NDST4: variants seen among roughly 807,000 people sequenced by gnomAD.
The protein encoded by NDST4 is N-heparan sulfate sulfotransferase 4.
In NDST4, 63 loss-of-function variants were observed where a neutral mutation model predicts 100.8. The observed-to-expected ratio is 0.62, with a 90% CI of 0.51 to 0.77. NDST4 has a LOEUF of 0.77. Ranked by LOEUF, NDST4 falls within the 30% of genes least tolerant of loss-of-function variation. The pLI, the probability that NDST4 is intolerant of heterozygous loss-of-function variation, is 0.00. For missense variants in NDST4, 943 were observed against 1,018.4 expected (o/e 0.93, Z 1.01); for synonymous variants, 377 against 361.8 (o/e 1.04, Z -0.48).
chr4:114,858,823 A>T (rs1170998963), intron 7 of NDST4, among the ~76,000 whole-genome samples: 1 of 152,148 alleles, frequency 6.6e-6, no homozygotes, highest in African/African-American at 2.4e-5. Context: ...TTCCACCAGG[A>T]GACATGGGAA....
chr4:115,106,961 C>T (rs541793904), intron 1 of NDST4, among the ~76,000 whole-genome samples: 8 of 152,008 alleles, frequency 5.3e-5, no homozygotes, highest in South Asian at 4.2e-4. Context: ...TCGAGGCCAG[C>T]GTGGGCAACA....
intron 13 of NDST4, among the ~76,000 whole-genome samples, chr4:114,829,116 T>A (rs1354561338): frequency 1.3e-5 from 2 of 152,138 alleles, no homozygotes; most frequent in Non-Finnish European, 2.9e-5. Context: ...TAGTAACCCA[T>A]GAATCACCTG....
In NDST4 at chr4:115,076,061, T is replaced by C; in HGVS notation, c.976A>G (p.Lys326Glu). Residue 326 changes from lysine (K) to glutamate (E), a missense_variant and splice_region_variant, in exon 2 of 14, where the codon AAG becomes GAG. Transcript: ENST00000264363. ...ATGTTGTCTATAAATAAGCTTACCTTCACATCTTTGACATTCATCCTTGTT... is the reference window on the plus strand; with the variant it reads ...ATGTTGTCTATAAATAAGCTTACCTCCACATCTTTGACATTCATCCTTGTT... ...EGTRMNVKDVKALLETQNLLR... is the reference protein window; with the variant it reads ...EGTRMNVKDVEALLETQNLLR... The C allele has an allele frequency of 6.2e-7, 1 of 1,602,776 alleles. No homozygotes were observed. Among genetic ancestry groups the C allele is most frequent in the East Asian group, 2.2e-5 (1 of 44,616 alleles).
intron 1 of NDST4, among the ~76,000 whole-genome samples, chr4:115,107,186 A>G (rs1265550854): frequency 6.6e-6 from 1 of 152,082 alleles, no homozygotes; most frequent in Non-Finnish European, 1.5e-5. Flanking sequence ...AAGGAAATAA[A>G]TAGCATTGAA....
chr4:115,035,327 T>C (rs1313512441), intron 2 of NDST4, among the ~76,000 whole-genome samples: 1 of 152,058 alleles, frequency 6.6e-6, no homozygotes, highest in Non-Finnish European at 1.5e-5. Context: ...TAGAATTTCA[T>C]TATGTGACTG....
intron 1 of NDST4, among the ~76,000 whole-genome samples, chr4:115,089,259 C>T (rs1729467124): frequency 6.6e-6 from 1 of 151,854 alleles, no homozygotes; most frequent in Non-Finnish European, 1.5e-5. Flanking sequence ...TCCATGTATA[C>T]ACTCATCAGG....
chr4:115,072,974 T>C (rs1729107388), intron 2 of NDST4, among the ~76,000 whole-genome samples: 2 of 151,938 alleles, frequency 1.3e-5, no homozygotes, highest in Admixed American at 6.6e-5. Context: ...AAGTATCTCA[T>C]AGTAAGAAAA....
intron 2 of NDST4, among the ~76,000 whole-genome samples, chr4:114,995,344 C>T (rs1222743859): frequency 6.6e-6 from 1 of 152,044 alleles, no homozygotes; most frequent in African/African-American, 2.4e-5. Context: ...TAGCTAGATT[C>T]ATAATCATGT....
intron 2 of NDST4, among the ~76,000 whole-genome samples, chr4:115,033,120 T>A (rs2126270577): frequency 8.5e-6 from 1 of 117,388 alleles, no homozygotes; most frequent in Admixed American, 1.0e-4. Flanking sequence ...GCAAAAATTA[T>A]ATATATATGT....
chr4:114,875,433 C>CA lies in NDST4; in HGVS notation c.1537-4484dup, dbSNP rs569725638. ...TACATATACTCAAAATATGGGAAGACATTATCTATGGAATAAATCTGTTTA... is the reference window on the plus strand; with the variant it reads ...TACATATACTCAAAATATGGGAAGACAATTATCTATGGAATAAATCTGTTTA... On this transcript the variant is annotated intron_variant, in intron 6 of 13. Transcript: ENST00000264363. 6.1e-4 allele frequency among the ~76,000 whole-genome samples: 93 copies of CA among 152,246 alleles called. 1 individual carries two copies. In the East Asian group the frequency reaches 0.014, roughly 23 times the overall value.
chr4:115,071,275 T>TACAC (rs1560589067), intron 2 of NDST4, among the ~76,000 whole-genome samples: 3 of 118,942 alleles, frequency 2.5e-5, no homozygotes, highest in African/African-American at 1.1e-4. Flanking sequence ...AAAGTATGCC[T>TACAC]TCACACACAC....
chr4:114,831,285 C>T (rs1434690474), intron 12 of NDST4, among the ~76,000 whole-genome samples: 1 of 151,852 alleles, frequency 6.6e-6, no homozygotes, highest in African/African-American at 2.4e-5. Flanking sequence ...ATCTCCTGAC[C>T]TCATGATCCA....
chr4:114,868,896 C>A (rs2126196103), intron 7 of NDST4, among the ~76,000 whole-genome samples: 1 of 150,364 alleles, frequency 6.7e-6, no homozygotes, highest in Non-Finnish European at 1.5e-5. Flanking sequence ...TTCCTAGGAA[C>A]TTACCCCTAT....
At chr4:114,930,686 G>C (rs1188623728) in intron 6 of NDST4, among the ~76,000 whole-genome samples, 1 of 151,970 alleles carries the variant, frequency 6.6e-6, no homozygotes, top group Non-Finnish European at 1.5e-5. Flanking sequence ...ATAGCATAAG[G>C]CTCACTATTT....
intron 2 of NDST4, among the ~76,000 whole-genome samples, chr4:115,067,163 C>T (rs531447487): frequency 6.6e-6 from 1 of 152,172 alleles, no homozygotes; most frequent in Non-Finnish European, 1.5e-5. Flanking sequence ...CTTTCACATA[C>T]TGCTTGCTTG....
chr4:115,017,628 A>G (rs1330323751), intron 2 of NDST4, among the ~76,000 whole-genome samples: 1 of 152,066 alleles, frequency 6.6e-6, no homozygotes, highest in East Asian at 1.9e-4. Context: ...CACTATCTTG[A>G]AAACCATTTT....
intron 2 of NDST4, among the ~76,000 whole-genome samples, chr4:115,026,430 TACACACACAC>T (rs57524504): frequency 6.7e-6 from 1 of 148,548 alleles, no homozygotes; most frequent in East Asian, 2.0e-4. Flanking sequence ...TTTTTTAAAG[TACACACACAC>T]ACACACACAC....
chr4:115,028,422 A>G (rs1304909958), intron 2 of NDST4, among the ~76,000 whole-genome samples: 1 of 152,134 alleles, frequency 6.6e-6, no homozygotes, highest in Non-Finnish European at 1.5e-5. Context: ...AGGATACTTT[A>G]ACATACATGT....
intron 4 of NDST4, among the ~76,000 whole-genome samples, chr4:114,963,387 G>T (rs556008720): frequency 6.6e-6 from 1 of 152,222 alleles, no homozygotes; most frequent in East Asian, 1.9e-4. Context: ...AAGCAAATCT[G>T]TGAAGACAAA....
Sources: gnomAD v4.1 joint callset for allele counts (sites outside exome capture counted in the v4.1 genomes callset) on GRCh38, gnomAD v4.1.1 for gene constraint, MANE v1.5 for transcripts, NCBI Gene and HGNC (gene_info 2026-07-23, HGNC 2026-07-21) for gene names.